Variants in DPP6 observed in about 807,000 individuals in gnomAD.
DPP6 encodes the protein A-type potassium channel modulatory protein DPP6.
A neutral mutation model predicts 122.6 loss-of-function variants in DPP6; 69 were observed. The ratio of observed to expected loss-of-function variants is 0.56; its 90% confidence interval spans 0.46 to 0.69. The LOEUF is 0.69. Among genes scored for constraint, DPP6 ranks in the 30% least tolerant of loss-of-function variants. DPP6 has a pLI of 0.00. For missense variants in DPP6, 928 were observed against 1,116.9 expected (o/e 0.83, Z 2.41); for synonymous variants, 418 against 433.1 (o/e 0.97, Z 0.43).
intron 16 of DPP6, among the ~76,000 whole-genome samples, chr7:154,837,261 A>T (rs1293031820): frequency 6.7e-6 from 1 of 149,506 alleles, no homozygotes; most frequent in East Asian, 1.9e-4. Context: ...TCACACATGC[A>T]CACACATGCA....
rs60621032 is a variant in DPP6 at position 154,360,403 on chromosome 7, CACTTAT to C, written c.244-85803_244-85798del. 6.1e-3 allele frequency among the ~76,000 whole-genome samples: 931 copies of C among 152,296 alleles called. 4 individuals carry two copies. The highest frequency in any genetic ancestry group is 0.011 in the African/African-American group (454 of 41,546). Reference sequence around the variant, plus strand: ...GCAACAATTTCAGTCCCAGGGCATACACTTATACTTATAAACTATTTCTGGGGCCAG... The same window carrying C: ...GCAACAATTTCAGTCCCAGGGCATACACTTATAAACTATTTCTGGGGCCAG... On this transcript the variant is annotated intron_variant, in intron 1 of 25. Transcript: ENST00000377770.
intron 6 of DPP6, among the ~76,000 whole-genome samples, chr7:154,648,489 C>A (rs923921173): frequency 7.9e-5 from 12 of 152,122 alleles, no homozygotes; most frequent in Non-Finnish European, 1.2e-4. Flanking sequence ...TCTAGGGCAG[C>A]CTCAGCCAGG....
the DPP6 span, among the ~76,000 whole-genome samples, chr7:153,844,931 A>G: frequency 2.0e-5 from 3 of 152,210 alleles, no homozygotes; most frequent in African/African-American, 7.2e-5. Flanking sequence ...GCATCCTTCA[A>G]TGTTGCTGTG....
chr7:154,220,312 T>A (rs1033515331), intron 1 of DPP6, among the ~76,000 whole-genome samples: 3 of 152,112 alleles, frequency 2.0e-5, no homozygotes, highest in African/African-American at 7.2e-5. Context: ...ACACCTTAGC[T>A]AATGAACATA....
chr7:154,504,549 G>T (rs984436186), intron 3 of DPP6, among the ~76,000 whole-genome samples: 1 of 152,100 alleles, frequency 6.6e-6, no homozygotes, highest in African/African-American at 2.4e-5. Context: ...TACAAGAATA[G>T]ATAACTCAAG....
At chr7:153,951,377 G>A (rs574142623) in intron 1 of DPP6, among the ~76,000 whole-genome samples, 72 of 152,312 alleles carry the variant, frequency 4.7e-4, no homozygotes, top group African/African-American at 1.7e-3. Flanking sequence ...CAGCGGGTTA[G>A]AAGCGCTCGA....
rs550210038 is a variant in DPP6, at chr7:154,147,518, C to T, written c.243+94455C>T. 8.6e-5 allele frequency among the ~76,000 whole-genome samples: 13 copies of T among 151,496 alleles called. No individual in the cohort carries two copies. The South Asian group carries it at 1.3e-3, about 15-fold the overall frequency. ...TCTTTTTCTGTCGGAGTCTTACTCTCGCTCAGACTGGAGTGCAATGGTGCA... is the reference window on the plus strand; with the variant it reads ...TCTTTTTCTGTCGGAGTCTTACTCTTGCTCAGACTGGAGTGCAATGGTGCA... On this transcript the variant is annotated intron_variant, in intron 1 of 25. Coordinates refer to ENST00000377770, the MANE Select transcript of DPP6 (RefSeq NM_130797.4).
At chr7:153,818,563 T>G in the DPP6 span, among the ~76,000 whole-genome samples, 19,020 of 152,048 alleles carry the variant, frequency 0.13, 1,342 homozygotes, top group African/African-American at 0.15. Flanking sequence ...TTGCAAGATA[T>G]ATTGTATGGT....
intron 1 of DPP6, among the ~76,000 whole-genome samples, chr7:154,253,848 C>A (rs1802497594): frequency 6.6e-6 from 1 of 152,142 alleles, no homozygotes; most frequent in Admixed American, 6.5e-5. Context: ...GAAGCATGGC[C>A]AGGGGGCCTT....
At chr7:154,707,168 G>A (rs1007844690) in intron 7 of DPP6, among the ~76,000 whole-genome samples, 4 of 152,248 alleles carry the variant, frequency 2.6e-5, no homozygotes, top group Non-Finnish European at 4.4e-5. Flanking sequence ...ATTAAAATGC[G>A]GTCCTCTGTG....
At chr7:154,093,895 C>A (rs984094860) in intron 1 of DPP6, 1 of 152,120 alleles carries the variant, frequency 6.6e-6, no homozygotes, top group African/African-American at 2.4e-5. Flanking sequence ...ACCCTGAGTC[C>A]CGTGTGTGCC....
intron 1 of DPP6, among the ~76,000 whole-genome samples, chr7:154,073,921 G>C (rs1803314434): frequency 6.6e-6 from 1 of 152,222 alleles, no homozygotes; most frequent in Admixed American, 6.5e-5. Context: ...GGGAGGAGGA[G>C]GTTGCAGTGA....
At chr7:153,757,738 A>G in the DPP6 span, among the ~76,000 whole-genome samples, 2 of 152,320 alleles carry the variant, frequency 1.3e-5, no homozygotes, top group Non-Finnish European at 2.9e-5. Context: ...TAGGTGGATC[A>G]TTTGAGTCCA....
intron 1 of DPP6, among the ~76,000 whole-genome samples, chr7:154,175,653 C>G (rs114331063): frequency 6.6e-6 from 1 of 151,888 alleles, no homozygotes; most frequent in Admixed American, 6.6e-5. Context: ...ACAGAGCACT[C>G]CTACACCTAC....
intron 1 of DPP6, among the ~76,000 whole-genome samples, chr7:154,127,737 G>C (rs963828215): frequency 5.9e-5 from 9 of 152,076 alleles, no homozygotes; most frequent in Non-Finnish European, 1.0e-4. Flanking sequence ...GTTGCCCAGC[G>C]TTGGCCAGAC....
chr7:154,154,123 A>G (rs928044763), intron 1 of DPP6, among the ~76,000 whole-genome samples: 21 of 152,252 alleles, frequency 1.4e-4, no homozygotes, highest in African/African-American at 4.8e-4. Context: ...GGCTGCTGCC[A>G]TTGCCATATT....
At chr7:154,742,168 A>G (rs1339100915) in intron 8 of DPP6, among the ~76,000 whole-genome samples, 2 of 152,214 alleles carry the variant, frequency 1.3e-5, no homozygotes, top group Non-Finnish European at 2.9e-5. Context: ...GAACTGATAC[A>G]CAGTCAGTCC....
chr7:153,920,991 C>T (rs1297221923), intron 1 of DPP6, among the ~76,000 whole-genome samples: 1 of 152,218 alleles, frequency 6.6e-6, no homozygotes, highest in Non-Finnish European at 1.5e-5. Flanking sequence ...CCCACACGAT[C>T]CTGAAGTTCT....
At chr7:154,745,066 C>T (rs1842975887) in intron 8 of DPP6, among the ~76,000 whole-genome samples, 2 of 152,360 alleles carry the variant, frequency 1.3e-5, no homozygotes, top group Admixed American at 1.3e-4. Flanking sequence ...GGCTGCCAGA[C>T]TGCATGAGGT....
Sources: allele counts gnomAD v4.1 joint callset (sites outside exome capture counted in the v4.1 genomes callset), GRCh38; gene constraint gnomAD v4.1.1; transcripts MANE v1.5; gene names NCBI Gene and HGNC (gene_info 2026-07-23, HGNC 2026-07-21).